The following NPRL3 variants were observed in gnomAD, a reference collection of about 807,000 sequenced individuals.
The protein encoded by NPRL3 is NPR3 like, GATOR1 complex subunit.
Under a neutral mutation model 57.2 loss-of-function variants are expected in NPRL3, and 23 were observed. The observed-to-expected ratio is 0.40, with a 90% CI of 0.29 to 0.57. The LOEUF (loss-of-function observed/expected upper bound fraction) is 0.57, where lower values mean the gene tolerates loss of function less well. Among genes scored for constraint, NPRL3 ranks in the 20% least tolerant of loss-of-function variants. NPRL3 has a pLI of 0.42. For synonymous variants in NPRL3, 333 were observed against 321.1 expected (o/e 1.04, Z -0.39); for missense variants, 691 against 767.1 (o/e 0.90, Z 1.17).
At chr16:130,652 G>A in intron 2 of NPRL3, 61 bp from the exon 3 acceptor site, 1 of 1,494,962 alleles carries the variant, frequency 6.7e-7, no homozygotes, top group Non-Finnish European at 9.1e-7. Flanking sequence ...CACACAGGAG[G>A]GTTATGGAAC....
chr16:111,475 G>GTC (rs1200103583), intron 6 of NPRL3, among the ~76,000 whole-genome samples: 1 of 151,272 alleles, frequency 6.6e-6, no homozygotes, highest in East Asian at 1.9e-4. Context: ...TTGAGACAGG[G>GTC]TCTCACTCTG....
rs1462430738 is a variant in NPRL3 at position 86,216 on chromosome 16, A to T, written c.*489T>A. On this transcript the variant is annotated 3_prime_UTR_variant, in exon 14 of 14. Transcript: ENST00000611875. Reference sequence around the variant, plus strand: ...AGCCTGGGAGGAAGAAGCGCATGGCAGACAGAGGTGCTGGGGAGGGGGCCA... The same window carrying T: ...AGCCTGGGAGGAAGAAGCGCATGGCTGACAGAGGTGCTGGGGAGGGGGCCA... 1 of 183,786 alleles carries T rather than the reference A, an allele frequency of 5.4e-6. No homozygotes were observed. Among genetic ancestry groups the T allele is most frequent in the Non-Finnish European group, 1.1e-5 (1 of 88,456 alleles). The allele number at this position is 183,786 out of a possible 1,614,324, so 11.4% of individuals were successfully genotyped here.
At position 98,157 on chromosome 16, in the gene NPRL3, C is replaced by G; in HGVS notation, c.912G>C (p.Leu304=). The G allele has an allele frequency of 6.2e-7, 1 of 1,613,738 alleles. No homozygotes were observed. The change falls in exon 9 of 14, where the codon CTG becomes CTC. Residue 304 remains leucine (L), a synonymous_variant. Transcript: ENST00000611875. ...NLQQLAQDAD[L]ALLQVFQLAA... ...TCCAGAGCTATACCTGCAGCAAGGC[C>G]AGGTCCGCATCTTGGGCTAGCTGCT... is the stretch of plus-strand genomic sequence containing the variant.
rs72083020 is a variant in NPRL3, at chr16:137,551, C to CT, written c.118+598dup. Among the ~76,000 whole-genome samples the CT allele has an allele frequency of 3.0e-3, 430 of 141,754 alleles. 2 individuals carry two copies. The highest frequency in any genetic ancestry group is 9.5e-3 in the South Asian group (42 of 4,428). 93.0% of individuals were successfully genotyped at this position (141,754 alleles called of 152,430 possible). ...AAGACAACTTCAGATGTTCACGTAA[C>CT]TTTTTTTTTTTTTTTTGAGACGGAG... On this transcript the variant is annotated intron_variant, in intron 2 of 13. Transcript: ENST00000611875.
At position 130,583 on chromosome 16, in the gene NPRL3, G is replaced by T. The variant is rs770318147; in HGVS notation, c.127C>A (p.Arg43Ser). ...GTGTTGCTGGCAGCGTATCTGCTAC[G>T]CGGCTTACCTGAGTCGGGGCGAAAA... ...EHPASQTSKPRSRYAASNTGD... is the reference protein window; with the variant it reads ...EHPASQTSKPSSRYAASNTGD... Residue 43 changes from arginine to serine, a missense_variant, in exon 3 of 14, where the codon CGT becomes AGT. Physicochemically the swap from Arg to Ser is moderately radical, Grantham distance 110 (BLOSUM62 -1). Transcript: ENST00000611875. 1 of 1,554,446 alleles carries T rather than the reference G, an allele frequency of 6.4e-7. No homozygotes were observed.
At chr16:131,847 C>T (rs919147446) in intron 2 of NPRL3, among the ~76,000 whole-genome samples, 1 of 152,088 alleles carries the variant, frequency 6.6e-6, no homozygotes, top group Admixed American at 6.6e-5. Flanking sequence ...CTTTATCCAC[C>T]ACAGAACTTC....
chr16:98,311 A>T lies in NPRL3; in HGVS notation c.768-10T>A. The T allele has an allele frequency of 6.2e-7, 1 of 1,609,842 alleles. No homozygotes were observed. Among genetic ancestry groups the T allele is most frequent in the South Asian group, 1.1e-5 (1 of 90,934 alleles). On this transcript the variant is annotated splice_polypyrimidine_tract_variant and intron_variant, in intron 8 of 13. Coordinates refer to ENST00000611875, the MANE Select transcript of NPRL3 (RefSeq NM_001077350.3). The stretch of plus-strand genomic sequence containing the variant: ...CAGGGCATGGTAGGGGCTGCAAAAC[A>T]ATCACCTGTCACGGAACACACGAAG...
chr16:104,846 C>T (rs798613), intron 7 of NPRL3, among the ~76,000 whole-genome samples: 12,098 of 152,218 alleles, frequency 0.079, 956 homozygotes, highest in African/African-American at 0.21. Flanking sequence ...GCCGGCCCAA[C>T]CTCCAGCCTG....
chr16:108,831 C>T (rs977284082), intron 7 of NPRL3, among the ~76,000 whole-genome samples: 8 of 151,472 alleles, frequency 5.3e-5, no homozygotes, highest in Admixed American at 2.6e-4. Context: ...CCACCACGCC[C>T]GGCTAATTTT....
intron 5 of NPRL3, among the ~76,000 whole-genome samples, chr16:114,101 A>G (rs545568642): frequency 6.6e-6 from 1 of 152,340 alleles, no homozygotes; most frequent in African/African-American, 2.4e-5. Flanking sequence ...GTGTACAAAT[A>G]CTTCCACGAG....
At chr16:112,463 C>G (rs952047375) in intron 6 of NPRL3, among the ~76,000 whole-genome samples, 159 bp downstream of exon 6, 3 of 152,240 alleles carry the variant, frequency 2.0e-5, no homozygotes, top group Admixed American at 1.3e-4. Context: ...AAAGCCGATG[C>G]TTGCAAGCTC....
At chr16:90,149 A>C in intron 11 of NPRL3, 1 of 470,408 alleles carries the variant, frequency 2.1e-6, no homozygotes, top group Non-Finnish European at 3.7e-6. Context: ...CCCACCACAC[A>C]CCGGGGCCAC....
intron 3 of NPRL3, chr16:125,965 C>T (rs1389814477): frequency 6.6e-6 from 1 of 152,168 alleles, no homozygotes; most frequent in Non-Finnish European, 1.5e-5. Context: ...TGGCCAAGGA[C>T]CCCATCTGGC....
intron 8 of NPRL3, among the ~76,000 whole-genome samples, chr16:98,855 T>G (rs866524266): frequency 3.9e-5 from 6 of 152,260 alleles, no homozygotes; most frequent in Middle Eastern, 3.4e-3. Flanking sequence ...GGAGAATCAC[T>G]TGAGCCTGGG....
intron 12 of NPRL3, chr16:89,453 G>C (rs1898660702): frequency 4.3e-6 from 2 of 468,182 alleles, no homozygotes; most frequent in African/African-American, 4.1e-5. Context: ...AGAGATTCCA[G>C]CACTGATTTG....
chr16:102,733 A>G (rs1016740039), intron 7 of NPRL3, among the ~76,000 whole-genome samples: 1 of 152,120 alleles, frequency 6.6e-6, no homozygotes, highest in African/African-American at 2.4e-5. Context: ...GAAGGTACAA[A>G]CGGCCCCTCG....
chr16:117,455 G>T, intron 4 of NPRL3, 80 bp from the exon 5 acceptor site: 1 of 969,614 alleles, frequency 1.0e-6, no homozygotes, highest in Non-Finnish European at 1.6e-6. Flanking sequence ...TTCAGGCATG[G>T]CAAAAGTCCC....
intron 9 of NPRL3, among the ~76,000 whole-genome samples, chr16:97,680 CAT>C (rs762963117): frequency 2.0e-5 from 3 of 152,262 alleles, no homozygotes; most frequent in South Asian, 2.1e-4. Context: ...CAGGCCAACA[CAT>C]GTGCACACAC....
chr16:128,374 G>T (rs1335552111), intron 3 of NPRL3, among the ~76,000 whole-genome samples: 2 of 152,188 alleles, frequency 1.3e-5, no homozygotes, highest in Non-Finnish European at 1.5e-5. Flanking sequence ...TCTAAGGCAG[G>T]CCACGACCAC....
Sources: allele counts gnomAD v4.1 joint callset (sites outside exome capture counted in the v4.1 genomes callset), GRCh38; gene constraint gnomAD v4.1.1; transcripts MANE v1.5; gene names NCBI Gene and HGNC (gene_info 2026-07-23, HGNC 2026-07-21).